The following PBRM1 variants were observed in gnomAD, a reference collection of about 807,000 sequenced individuals.
PBRM1 encodes polybromo 1.
Under a neutral mutation model 194.5 loss-of-function variants are expected in PBRM1, and 27 were observed. The ratio of observed to expected loss-of-function variants is 0.14; its 90% CI spans 0.10 to 0.19. The LOEUF (loss-of-function observed/expected upper bound fraction) is 0.19, where lower values mean the gene tolerates loss of function less well. Ranked by LOEUF, PBRM1 falls within the 10% of genes least tolerant of loss-of-function variation. The pLI, the probability that PBRM1 is intolerant of heterozygous loss-of-function variation, is 1.00. For synonymous variants in PBRM1, 655 were observed against 693.2 expected, an observed-to-expected ratio of 0.94 and a Z score of 0.87; for missense variants, 1,466 against 2,077.2, an observed-to-expected ratio of 0.71 and a Z score of 5.72.
At chr3:52,640,198 C>T (rs569219584) in intron 10 of PBRM1, among the ~76,000 whole-genome samples, 7 of 36,654 alleles carry the variant, frequency 1.9e-4, no homozygotes, top group African/African-American at 4.6e-4. Flanking sequence ...GGTTATTATT[C>T]GCCTGGTTAT....
At chr3:52,650,283 A>C (rs2096452189) in intron 6 of PBRM1, among the ~76,000 whole-genome samples, 2 of 144,572 alleles carry the variant, frequency 1.4e-5, no homozygotes. Context: ...GAATGACTTG[A>C]GTCCAAGAGG....
intron 16 of PBRM1, among the ~76,000 whole-genome samples, chr3:52,608,202 G>A (rs1455514255): frequency 4.6e-5 from 7 of 152,158 alleles, no homozygotes; most frequent in Non-Finnish European, 7.3e-5. Context: ...ATCTATGGCC[G>A]TGCTCCATGA....
intron 27 of PBRM1, among the ~76,000 whole-genome samples, chr3:52,551,575 C>G (rs1409822647): frequency 6.6e-6 from 1 of 152,110 alleles, no homozygotes; most frequent in African/African-American, 2.4e-5. Context: ...ACAGGCACAG[C>G]TGATAATAAT....
chr3:52,588,778 G>T (rs373139914), intron 18 of PBRM1, among the ~76,000 whole-genome samples: 8 of 151,746 alleles, frequency 5.3e-5, no homozygotes, highest in African/African-American at 1.9e-4. Context: ...GGATGGTCTC[G>T]ATTTCCTGAC....
At chr3:52,553,099 A>G (rs2081360078) in intron 27 of PBRM1, among the ~76,000 whole-genome samples, 1 of 152,088 alleles carries the variant, frequency 6.6e-6, no homozygotes, top group South Asian at 2.1e-4. Context: ...AAACCCTATC[A>G]CTGGTAGGTC....
intron 4 of PBRM1, among the ~76,000 whole-genome samples, chr3:52,658,758 G>C (rs2096658884): frequency 6.6e-6 from 1 of 152,180 alleles, no homozygotes. Flanking sequence ...ATAATGTTCT[G>C]ATGCTGGACA....
rs58430288 is a variant in PBRM1, at chr3:52,571,856, C to CAAAAAAAAAAAAAAAAAAAAA, written c.3691+4664_3691+4684dup. Among the ~76,000 whole-genome samples, 2 of 37,092 alleles carry CAAAAAAAAAAAAAAAAAAAAA rather than the reference C, an allele frequency of 5.4e-5. 1 individual carries two copies. The highest frequency in any genetic ancestry group is 2.3e-4 in the African/African-American group (2 of 8,724). The allele number at this position is 37,092 out of a possible 152,430, so 24.3% of individuals were successfully genotyped here. On this transcript the variant is annotated intron_variant, in intron 22 of 29. Coordinates refer to ENST00000296302, the Ensembl canonical transcript of PBRM1. Reference sequence around the variant, plus strand: ...GAGCAAGAGGGATACCTCATCTCCCCAAAAAAAAAAAAAAAAAAAAAAAAA... The same window carrying CAAAAAAAAAAAAAAAAAAAAA: ...GAGCAAGAGGGATACCTCATCTCCCCAAAAAAAAAAAAAAAAAAAAAAAAAAAAAAAAAAAAAAAAAAAAAA...
intron 1 of PBRM1, among the ~76,000 whole-genome samples, chr3:52,679,061 C>T (rs2097160195): frequency 1.3e-5 from 2 of 152,168 alleles, no homozygotes; most frequent in South Asian, 2.1e-4. Flanking sequence ...TGACCATCCC[C>T]TGCTCTGTAA....
intron 17 of PBRM1, among the ~76,000 whole-genome samples, chr3:52,601,892 G>A (rs2094020604): frequency 6.6e-6 from 1 of 152,286 alleles, no homozygotes; most frequent in African/African-American, 2.4e-5. Context: ...GCTGGCAATG[G>A]CTATGATAGG....
At chr3:52,684,385 G>C (rs992308824), upstream of PBRM1, among the ~76,000 whole-genome samples, 1 of 151,950 alleles carries the variant, frequency 6.6e-6, no homozygotes, top group East Asian at 1.9e-4. Context: ...ACTTACTATA[G>C]ACAAACAGTG....
chr3:52,617,690 G>C (rs1483035287), intron 13 of PBRM1, 152 bp from the exon 16 acceptor site: 1 of 592,500 alleles, frequency 1.7e-6, no homozygotes, highest in Non-Finnish European at 2.8e-6. Context: ...TAACCATGCT[G>C]GAAGTTATAA....
At chr3:52,652,042 A>G (rs1468179305) in intron 5 of PBRM1, among the ~76,000 whole-genome samples, 1 of 152,206 alleles carries the variant, frequency 6.6e-6, no homozygotes, top group Non-Finnish European at 1.5e-5. Flanking sequence ...AAAACTTGGT[A>G]TTTTGAGTGT....
At chr3:52,606,530 A>G (rs895411856) in intron 16 of PBRM1, among the ~76,000 whole-genome samples, 30 of 152,202 alleles carry the variant, frequency 2.0e-4, no homozygotes, top group Non-Finnish European at 8.8e-5. Context: ...TTAGAAATGA[A>G]CATTCTGTAC....
intron 7 of PBRM1, among the ~76,000 whole-genome samples, chr3:52,645,391 A>G (rs1206764613): frequency 3.4e-5 from 5 of 148,738 alleles, no homozygotes; most frequent in South Asian, 2.1e-4. Context: ...TCAAACCCCT[A>G]TCTTCAAGTG....
At chr3:52,634,264 C>A (rs1180333221) in intron 11 of PBRM1, among the ~76,000 whole-genome samples, 1 of 151,822 alleles carries the variant, frequency 6.6e-6, no homozygotes, top group Non-Finnish European at 1.5e-5. Flanking sequence ...TGGTGAAACC[C>A]AGTCTCTAAT....
At chr3:52,550,389 T>C in intron 29 of PBRM1, 32 bp downstream of exon 31, 1 of 1,226,010 alleles carries the variant, frequency 8.2e-7, no homozygotes, top group Non-Finnish European at 1.1e-6. Flanking sequence ...GAAGCATGTA[T>C]TTCACAAAGG....
At position 52,666,890 on chromosome 3, in the gene PBRM1, CAAAAA is replaced by C. The variant is rs34218707; in HGVS notation, c.384+1603_384+1607del. On this transcript the variant is annotated intron_variant, in intron 3 of 29. Coordinates refer to ENST00000296302, the Ensembl canonical transcript of PBRM1. ...CTGGGCAACAAAGGAGATCGTGTCT[CAAAAA>C]AAAAAAAAAAAAATTATAAAGCCAA... is the stretch of plus-strand genomic sequence containing the variant. Among the ~76,000 whole-genome samples, 20 of 120,798 alleles carry C rather than the reference CAAAAA, an allele frequency of 1.7e-4. No homozygotes were observed. The East Asian group carries it at 4.6e-3, about 28-fold the overall frequency. The allele number at this position is 120,798 out of a possible 152,430, so 79.2% of individuals were successfully genotyped here.
chr3:52,633,493 T>C (rs1351002267), intron 11 of PBRM1, among the ~76,000 whole-genome samples: 2 of 152,290 alleles, frequency 1.3e-5, no homozygotes, highest in East Asian at 3.9e-4. Flanking sequence ...AATACCTCTT[T>C]GAGACCCTGC....
At chr3:52,546,821 C>T (rs866341716), downstream of PBRM1, 2 of 232,898 alleles carry the variant, frequency 8.6e-6, no homozygotes, top group Non-Finnish European at 1.7e-5. Context: ...TTCTAGTAAG[C>T]GTTTTATTAA....
Sources: allele counts gnomAD v4.1 joint callset (sites outside exome capture counted in the v4.1 genomes callset), GRCh38; gene constraint gnomAD v4.1.1; transcripts MANE v1.5; gene names NCBI Gene and HGNC (gene_info 2026-07-23, HGNC 2026-07-21).